The following FCHO2 variants were observed in gnomAD, a reference collection of about 807,000 sequenced individuals.
FCHO2 encodes the protein F-BAR domain only protein 2.
Under a neutral mutation model 114.1 loss-of-function variants are expected in FCHO2, and 43 were observed. The observed-to-expected ratio is 0.38, with a 90% CI of 0.30 to 0.49. FCHO2 has a LOEUF of 0.49. FCHO2 is among the 20% of genes least tolerant of loss of function. FCHO2 has a pLI of 0.97. For synonymous variants in FCHO2, 293 were observed against 315.2 expected (o/e 0.93, Z 0.75); for missense variants, 807 against 950.4 (o/e 0.85, Z 1.98).
intron 8 of FCHO2, among the ~76,000 whole-genome samples, chr5:73,029,906 C>T (rs1360118020): frequency 3.3e-5 from 5 of 152,160 alleles, no homozygotes; most frequent in Non-Finnish European, 7.4e-5. Context: ...ACGTGGGAAT[C>T]GCATTTCCAC....
At chr5:72,977,555 C>T (rs905304994) in intron 2 of FCHO2, among the ~76,000 whole-genome samples, 5 of 152,118 alleles carry the variant, frequency 3.3e-5, no homozygotes, top group Admixed American at 2.6e-4. Context: ...AAATTTTCTC[C>T]CATTCTGTAG....
At chr5:73,032,218 A>G (rs1391792852) in intron 8 of FCHO2, among the ~76,000 whole-genome samples, 1 of 152,234 alleles carries the variant, frequency 6.6e-6, no homozygotes, top group Non-Finnish European at 1.5e-5. Context: ...AATCTTGTTC[A>G]TGCATGATTT....
Position 73,037,221 on chromosome 5 carries a change from T to C in FCHO2, c.914+6T>C, listed in dbSNP as rs951748279. ...GAAAAAGATGCAGAATCTGTGTAAG[T>C]ATTTTAAATATCGTCAAAATCCTTT... On this transcript the variant is annotated splice_donor_region_variant and intron_variant, in intron 10 of 25. Transcript: ENST00000430046. 6.4e-7 allele frequency: 1 copy of C among 1,568,114 alleles called. No individual in the cohort carries two copies. Among genetic ancestry groups the C allele is most frequent in the Non-Finnish European group, 8.6e-7 (1 of 1,156,810 alleles).
chr5:73,000,494 A>C (rs954278684), intron 5 of FCHO2, among the ~76,000 whole-genome samples: 9 of 134,378 alleles, frequency 6.7e-5, no homozygotes, highest in Admixed American at 1.5e-4. Flanking sequence ...AAAAAAAAAA[A>C]GCTGGGGGCA....
intron 5 of FCHO2, among the ~76,000 whole-genome samples, chr5:72,996,049 C>A (rs1754075027): frequency 6.6e-6 from 1 of 152,026 alleles, no homozygotes; most frequent in South Asian, 2.1e-4. Flanking sequence ...TCAAGACTAG[C>A]CTGGCCAACA....
At chr5:73,065,184 G>A (rs1215050283) in intron 18 of FCHO2, among the ~76,000 whole-genome samples, 1 of 151,956 alleles carries the variant, frequency 6.6e-6, no homozygotes, top group Non-Finnish European at 1.5e-5. Context: ...AGCTGCCAAG[G>A]AGAAGGTTAT....
At chr5:73,061,686 A>C (rs544923174) in intron 17 of FCHO2, among the ~76,000 whole-genome samples, 1 of 152,200 alleles carries the variant, frequency 6.6e-6, no homozygotes, top group South Asian at 2.1e-4. Context: ...ATGGCTACAA[A>C]GTCAGTGGAT....
At chr5:73,017,475 T>C (rs1041377510) in intron 8 of FCHO2, among the ~76,000 whole-genome samples, 167 bp downstream of exon 8, 1 of 152,108 alleles carries the variant, frequency 6.6e-6, no homozygotes, top group African/African-American at 2.4e-5. Flanking sequence ...AAAAATGGAG[T>C]ATACCTAAAA....
chr5:73,004,471 C>T (rs1390967242), intron 5 of FCHO2, among the ~76,000 whole-genome samples: 3 of 152,022 alleles, frequency 2.0e-5, no homozygotes, highest in East Asian at 1.9e-4. Context: ...CTCAGTAACT[C>T]GGATATATCT....
At chr5:73,063,112 G>T (rs1184639931) in intron 17 of FCHO2, among the ~76,000 whole-genome samples, 2 of 151,776 alleles carry the variant, frequency 1.3e-5, no homozygotes, top group East Asian at 3.9e-4. Context: ...ATACATTTGT[G>T]ACTTTTGATG....
At chr5:73,028,291 C>G (rs763119544) in intron 8 of FCHO2, among the ~76,000 whole-genome samples, 142 of 152,290 alleles carry the variant, frequency 9.3e-4, no homozygotes, top group Admixed American at 2.2e-3. Flanking sequence ...TAAAATGGTG[C>G]AACCACTCTG....
chr5:72,984,719 A>G (rs1753411410), intron 2 of FCHO2, among the ~76,000 whole-genome samples: 1 of 151,930 alleles, frequency 6.6e-6, no homozygotes. Flanking sequence ...TGCAGCCTTG[A>G]CCTCCTGGTC....
chr5:73,020,610 G>A (rs27952), intron 8 of FCHO2: 127,933 of 719,840 alleles, frequency 0.18, 13,465 homozygotes, highest in African/African-American at 0.38. Context: ...GGGGAATGAT[G>A]GGTTGGAGGT....
chr5:72,970,841 C>A (rs2112610070), intron 2 of FCHO2, among the ~76,000 whole-genome samples: 1 of 152,258 alleles, frequency 6.6e-6, no homozygotes, highest in Middle Eastern at 3.4e-3. Flanking sequence ...CCAATGCTAT[C>A]CCTCTCCCCT....
chr5:73,002,878 A>G (rs1234522077), intron 5 of FCHO2, among the ~76,000 whole-genome samples: 1 of 152,220 alleles, frequency 6.6e-6, no homozygotes, highest in Non-Finnish European at 1.5e-5. Context: ...AAGGTGTGGT[A>G]TCTTATTTTG....
chr5:73,060,273 A>G (rs1462542828), intron 17 of FCHO2, among the ~76,000 whole-genome samples: 1 of 151,964 alleles, frequency 6.6e-6, no homozygotes, highest in African/African-American at 2.4e-5. Context: ...GCATTTTTAA[A>G]TCTTCCTATA....
intron 8 of FCHO2, among the ~76,000 whole-genome samples, chr5:73,022,172 G>A (rs566777174): frequency 1.3e-5 from 2 of 152,098 alleles, no homozygotes; most frequent in Non-Finnish European, 2.9e-5. Context: ...AAACCAGGGG[G>A]ACTTGACCTT....
intron 14 of FCHO2, 139 bp downstream of exon 14, chr5:73,054,310 T>C: frequency 1.1e-6 from 1 of 893,134 alleles, no homozygotes. Context: ...CTTTAATATT[T>C]TAAAAACATT....
At chr5:72,967,628 G>A (rs1703352866) in intron 1 of FCHO2, among the ~76,000 whole-genome samples, 1 of 152,006 alleles carries the variant, frequency 6.6e-6, no homozygotes, top group Non-Finnish European at 1.5e-5. Flanking sequence ...TTAATTTTTT[G>A]TTGTTGTTTT....
Sources: gnomAD v4.1 joint callset for allele counts (sites outside exome capture counted in the v4.1 genomes callset) on GRCh38, gnomAD v4.1.1 for gene constraint, MANE v1.5 for transcripts, NCBI Gene and HGNC (gene_info 2026-07-23, HGNC 2026-07-21) for gene names.